PDE4D: variants seen among roughly 807,000 people sequenced by gnomAD.
PDE4D encodes the protein phosphodiesterase 4D, also known as 3',5'-cyclic-AMP phosphodiesterase 4D.
Under a neutral mutation model 87.4 loss-of-function variants are expected in PDE4D, and 24 were observed. That is an observed-to-expected ratio of 0.27 (90% CI 0.20 to 0.39). The LOEUF (loss-of-function observed/expected upper bound fraction) is 0.39. Ranked by LOEUF, PDE4D falls within the 10% of genes least tolerant of loss-of-function variation. PDE4D has a pLI of 1.00. For missense variants in PDE4D, 714 were observed against 1,041.0 expected, an observed-to-expected ratio of 0.69 and a Z score of 4.32; for synonymous variants, 384 against 383.2, an observed-to-expected ratio of 1.00 and a Z score of -0.02.
At chr5:59,263,600 T>C (rs927217648) in intron 1 of PDE4D, among the ~76,000 whole-genome samples, 1 of 151,952 alleles carries the variant, frequency 6.6e-6, no homozygotes, top group Non-Finnish European at 1.5e-5. Context: ...TGAATTTGTA[T>C]CTCAAACAAA....
chr5:59,947,243 T>G lies in PDE4D; in HGVS notation c.272+41245A>C, dbSNP rs539768968. 2.0e-5 allele frequency among the ~76,000 whole-genome samples: 3 copies of G among 152,324 alleles called. No homozygotes were observed. In the South Asian group the frequency reaches 6.2e-4, roughly 32 times the overall value. ...AACTGCAGTTCTTCCAGCACTTTTG[T>G]GTAGAGAGCACTTTGCCGTCTTTTG... On this transcript the variant is annotated intron_variant, in intron 3 of 16. Coordinates refer to the PDE4D transcript ENST00000502484.
intron 1 of PDE4D, among the ~76,000 whole-genome samples, chr5:59,578,312 C>T (rs1823512564): frequency 6.6e-6 from 1 of 152,094 alleles, no homozygotes; most frequent in Non-Finnish European, 1.5e-5. Flanking sequence ...AAAACAGTTT[C>T]CACCACTACC....
chr5:59,892,057 T>C (rs1479468713), intron 1 of PDE4D, among the ~76,000 whole-genome samples: 1 of 152,172 alleles, frequency 6.6e-6, no homozygotes, highest in African/African-American at 2.4e-5. Flanking sequence ...CAGCAGCTCC[T>C]GAAATCTTTT....
At chr5:59,854,981 G>A (rs1475390358) in intron 1 of PDE4D, among the ~76,000 whole-genome samples, 1 of 152,086 alleles carries the variant, frequency 6.6e-6, no homozygotes, top group Non-Finnish European at 1.5e-5. Context: ...AGAAAGGAGG[G>A]ACTTGGAGAA....
chr5:59,244,783 GTATA>G (rs147057388), intron 1 of PDE4D, among the ~76,000 whole-genome samples: 2 of 136,754 alleles, frequency 1.5e-5, no homozygotes, highest in Non-Finnish European at 3.2e-5. Context: ...CCATAAAAAT[GTATA>G]TATATATATA....
intron 1 of PDE4D, among the ~76,000 whole-genome samples, chr5:60,416,493 GAAC>G (rs1279449052): frequency 6.6e-6 from 1 of 151,860 alleles, no homozygotes; most frequent in Non-Finnish European, 1.5e-5. Flanking sequence ...TGGGAGGAAC[GAAC>G]AACTCCAGAC....
chr5:59,604,296 A>G (rs946661064), intron 1 of PDE4D, among the ~76,000 whole-genome samples: 1 of 151,992 alleles, frequency 6.6e-6, no homozygotes, highest in African/African-American at 2.4e-5. Flanking sequence ...TCAGGATTAC[A>G]TTAGAAGGTA....
chr5:60,204,977 T>A (rs1043055235), intron 1 of PDE4D, among the ~76,000 whole-genome samples: 1 of 152,182 alleles, frequency 6.6e-6, no homozygotes, highest in Non-Finnish European at 1.5e-5. Flanking sequence ...TCAATAAGTG[T>A]TAGCTATCTT....
intron 6 of PDE4D, among the ~76,000 whole-genome samples, chr5:58,996,764 G>A (rs1435740149): frequency 1.3e-5 from 2 of 152,140 alleles, no homozygotes; most frequent in African/African-American, 4.8e-5. Flanking sequence ...TATAAAGAAC[G>A]AAGTATAATT....
At chr5:60,242,209 C>T (rs567069585) in intron 1 of PDE4D, among the ~76,000 whole-genome samples, 1 of 151,730 alleles carries the variant, frequency 6.6e-6, no homozygotes, top group Non-Finnish European at 1.5e-5. Context: ...GACTTCAACA[C>T]AAAAACTGTA....
chr5:59,646,987 A>G (rs1405627443), intron 1 of PDE4D, among the ~76,000 whole-genome samples: 1 of 152,160 alleles, frequency 6.6e-6, no homozygotes, highest in East Asian at 1.9e-4. Flanking sequence ...GTGAGCCGAG[A>G]TCACGCCACT....
intron 5 of PDE4D, among the ~76,000 whole-genome samples, chr5:59,092,853 C>T (rs963201606): frequency 6.6e-6 from 1 of 152,182 alleles, no homozygotes; most frequent in African/African-American, 2.4e-5. Context: ...CTTTTGTAAA[C>T]TCACCTTCTC....
At chr5:59,040,415 A>C (rs1356183745) in intron 5 of PDE4D, among the ~76,000 whole-genome samples, 4 of 152,256 alleles carry the variant, frequency 2.6e-5, no homozygotes, top group African/African-American at 9.6e-5. Flanking sequence ...CATGTCCTGC[A>C]TACTACTCCT....
intron 1 of PDE4D, among the ~76,000 whole-genome samples, chr5:60,273,234 A>G (rs1750999749): frequency 6.6e-6 from 1 of 152,144 alleles, no homozygotes; most frequent in South Asian, 2.1e-4. Flanking sequence ...TCATCTATTC[A>G]GAGGTAGTGT....
At position 59,756,909 on chromosome 5, in the gene PDE4D, T is replaced by C. The variant is rs571665938; in HGVS notation, c.455+136259A>G. ...GCCTCCTAGGTTCCAGCGATTCTCC[T>C]GCCTCAGCCTCCCGAGTAGCTCGGA... On this transcript the variant is annotated intron_variant, in intron 1 of 14. Transcript: ENST00000340635. Among the ~76,000 whole-genome samples the C allele has an allele frequency of 6.0e-5, 9 of 150,956 alleles. 1 individual carries two copies. The South Asian group carries it at 1.9e-3, about 32-fold the overall frequency.
chr5:60,013,304 T>C (rs988594202), intron 2 of PDE4D, among the ~76,000 whole-genome samples: 2 of 152,126 alleles, frequency 1.3e-5, no homozygotes, highest in African/African-American at 2.4e-5. Flanking sequence ...TTTTAACCTT[T>C]TTACCTTTAA....
At chr5:59,847,182 G>C (rs550767352) in intron 1 of PDE4D, among the ~76,000 whole-genome samples, 5 of 152,084 alleles carry the variant, frequency 3.3e-5, no homozygotes, top group Admixed American at 1.3e-4. Context: ...GTGTTTTCTA[G>C]TGTCCAGAAT....
chr5:59,797,357 A>G (rs1335018539), intron 1 of PDE4D, among the ~76,000 whole-genome samples: 3 of 152,232 alleles, frequency 2.0e-5, no homozygotes, highest in Non-Finnish European at 4.4e-5. Flanking sequence ...CTCAGGAAGC[A>G]GTTCACAAGA....
At chr5:60,217,830 T>G (rs1744039516) in intron 1 of PDE4D, among the ~76,000 whole-genome samples, 1 of 151,800 alleles carries the variant, frequency 6.6e-6, no homozygotes, top group African/African-American at 2.4e-5. Context: ...GAAATAAAAT[T>G]TAAAACCACA....
Sources: gnomAD v4.1 joint callset for allele counts (sites outside exome capture counted in the v4.1 genomes callset) on GRCh38, gnomAD v4.1.1 for gene constraint, MANE v1.5 for transcripts, NCBI Gene and HGNC (gene_info 2026-07-23, HGNC 2026-07-21) for gene names.